The following HS6ST3 variants were observed in gnomAD, a reference collection of about 807,000 sequenced individuals.
HS6ST3 encodes heparan sulfate 6-O-sulfotransferase 3.
In HS6ST3, 12 loss-of-function variants were observed where a neutral mutation model predicts 36.7. The ratio of observed to expected loss-of-function variants is 0.33; its 90% confidence interval spans 0.21 to 0.53. HS6ST3 has a LOEUF of 0.53. Among genes scored for constraint, HS6ST3 ranks in the 20% least tolerant of loss-of-function variants. HS6ST3 has a pLI of 0.95. For missense variants in HS6ST3, 584 were observed against 640.9 expected (o/e 0.91, Z 0.96); for synonymous variants, 240 against 257.5 (o/e 0.93, Z 0.65).
intron 1 of HS6ST3, among the ~76,000 whole-genome samples, chr13:96,789,076 G>A (rs1877720361): frequency 6.6e-6 from 1 of 151,182 alleles, no homozygotes; most frequent in African/African-American, 2.4e-5. Context: ...TGTTCCGTTT[G>A]TTTTAATTCT....
At chr13:96,578,313 G>A (rs1483124561) in intron 1 of HS6ST3, among the ~76,000 whole-genome samples, 1 of 152,148 alleles carries the variant, frequency 6.6e-6, no homozygotes, top group Non-Finnish European at 1.5e-5. Flanking sequence ...ATAAAAATGT[G>A]TGGCTGGTGG....
At chr13:96,440,231 G>C (rs1340125625) in intron 1 of HS6ST3, among the ~76,000 whole-genome samples, 1 of 152,182 alleles carries the variant, frequency 6.6e-6, no homozygotes, top group Non-Finnish European at 1.5e-5. Flanking sequence ...CAGATCACTT[G>C]AGGTCAGGAG....
chr13:96,611,659 G>A (rs2056457462), intron 1 of HS6ST3, among the ~76,000 whole-genome samples: 1 of 152,216 alleles, frequency 6.6e-6, no homozygotes, highest in Non-Finnish European at 1.5e-5. Flanking sequence ...GGGATTCTGA[G>A]TTATCACTGA....
At chr13:96,334,601 G>A (rs1283817690) in intron 1 of HS6ST3, among the ~76,000 whole-genome samples, 1 of 152,236 alleles carries the variant, frequency 6.6e-6, no homozygotes, top group Non-Finnish European at 1.5e-5. Context: ...TGGAAGTCAA[G>A]GAGGAGCAAT....
chr13:96,260,277 T>TCCTC lies in HS6ST3; in HGVS notation c.707+168724_707+168727dup, dbSNP rs1262850122. Among the ~76,000 whole-genome samples the TCCTC allele has an allele frequency of 2.8e-5, 4 of 143,730 alleles. No individual in the cohort carries two copies. In the East Asian group the frequency reaches 9.4e-4, roughly 34 times the overall value. 94.3% of individuals were successfully genotyped at this position (143,730 alleles called of 152,430 possible). A position where few individuals can be genotyped will look rare whatever the true frequency, so the allele number is the denominator to read the frequency against. ...TTCCTTCCTTCCTTCCTTTCTTCTTTCCTCCCTCCCTCCCTCCCTACTTTT... is the reference window on the plus strand; with the variant it reads ...TTCCTTCCTTCCTTCCTTTCTTCTTTCCTCCCTCCCTCCCTCCCTCCCTACTTTT... On this transcript the variant is annotated intron_variant, in intron 1 of 1. Coordinates refer to ENST00000376705, the MANE Select transcript of HS6ST3 (RefSeq NM_153456.4).
At chr13:96,811,575 G>C (rs1878317708) in intron 1 of HS6ST3, among the ~76,000 whole-genome samples, 1 of 152,110 alleles carries the variant, frequency 6.6e-6, no homozygotes, top group African/African-American at 2.4e-5. Context: ...TCACAGAATA[G>C]AGCATCCAGT....
At chr13:96,362,448 T>C (rs1594762850) in intron 1 of HS6ST3, among the ~76,000 whole-genome samples, 1 of 152,278 alleles carries the variant, frequency 6.6e-6, no homozygotes, top group African/African-American at 2.4e-5. Context: ...ACACGTACAA[T>C]CTTATCTCTG....
chr13:96,481,100 C>T (rs1457536939), intron 1 of HS6ST3, among the ~76,000 whole-genome samples: 1 of 152,022 alleles, frequency 6.6e-6, no homozygotes, highest in Non-Finnish European at 1.5e-5. Context: ...TCTTGATATT[C>T]TCTGCATAAT....
intron 1 of HS6ST3, among the ~76,000 whole-genome samples, chr13:96,425,734 A>G (rs1007617830): frequency 6.6e-6 from 1 of 152,078 alleles, no homozygotes; most frequent in African/African-American, 2.4e-5. Context: ...ATTCTCTACT[A>G]ACCCCAGACC....
intron 1 of HS6ST3, among the ~76,000 whole-genome samples, chr13:96,536,575 T>G (rs1242764894): frequency 6.6e-6 from 1 of 152,190 alleles, no homozygotes; most frequent in East Asian, 1.9e-4. Flanking sequence ...AGTTGGAGAT[T>G]GTGGCTCTTC....
chr13:96,546,200 A>G (rs578169418), intron 1 of HS6ST3, among the ~76,000 whole-genome samples: 18 of 152,178 alleles, frequency 1.2e-4, no homozygotes, highest in Non-Finnish European at 1.9e-4. Context: ...AAAAATCTCA[A>G]TGCCCCAGGC....
At chr13:96,496,024 C>A (rs2055973681) in intron 1 of HS6ST3, among the ~76,000 whole-genome samples, 1 of 152,162 alleles carries the variant, frequency 6.6e-6, no homozygotes, top group Non-Finnish European at 1.5e-5. Flanking sequence ...ATGGCAGAGG[C>A]CCCAGGCCTG....
intron 1 of HS6ST3, among the ~76,000 whole-genome samples, chr13:96,198,116 G>C (rs1003981061): frequency 6.6e-6 from 1 of 152,210 alleles, no homozygotes; most frequent in Non-Finnish European, 1.5e-5. Flanking sequence ...AGCTGCCAAG[G>C]CTCGGGGCTT....
At chr13:96,453,918 T>C (rs953067252) in intron 1 of HS6ST3, among the ~76,000 whole-genome samples, 1 of 152,204 alleles carries the variant, frequency 6.6e-6, no homozygotes, top group Admixed American at 6.5e-5. Context: ...TAAGGAGAAC[T>C]ACACTTCCAT....
chr13:96,334,125 C>T (rs1055218130), intron 1 of HS6ST3, among the ~76,000 whole-genome samples: 5 of 152,044 alleles, frequency 3.3e-5, no homozygotes, highest in African/African-American at 1.2e-4. Context: ...TGGCTTCTAG[C>T]CAGGGCCTCA....
chr13:96,468,798 T>C (rs2055826932), intron 1 of HS6ST3, among the ~76,000 whole-genome samples: 1 of 152,142 alleles, frequency 6.6e-6, no homozygotes, highest in Non-Finnish European at 1.5e-5. Context: ...ACTTTTGGCA[T>C]GAAACATAAA....
At chr13:96,621,663 T>C (rs549372873) in intron 1 of HS6ST3, among the ~76,000 whole-genome samples, 12 of 152,170 alleles carry the variant, frequency 7.9e-5, no homozygotes, top group Non-Finnish European at 1.0e-4. Context: ...AGACTAATTG[T>C]CCTAATTTTT....
At chr13:96,170,077 C>T (rs1421762201) in intron 1 of HS6ST3, among the ~76,000 whole-genome samples, 1 of 152,196 alleles carries the variant, frequency 6.6e-6, no homozygotes, top group East Asian at 1.9e-4. Flanking sequence ...TTTTAAAGTG[C>T]TCCCATTTGT....
At chr13:96,668,502 C>T (rs2056671701) in intron 1 of HS6ST3, among the ~76,000 whole-genome samples, 1 of 151,972 alleles carries the variant, frequency 6.6e-6, no homozygotes, top group African/African-American at 2.4e-5. Flanking sequence ...TGAGGCAGCT[C>T]CCTTCTGCTG....
Sources: allele counts gnomAD v4.1 joint callset (sites outside exome capture counted in the v4.1 genomes callset), GRCh38; gene constraint gnomAD v4.1.1; transcripts MANE v1.5; gene names NCBI Gene and HGNC (gene_info 2026-07-23, HGNC 2026-07-21).